RNF38: variants seen among roughly 807,000 people sequenced by gnomAD.
RNF38 encodes E3 ubiquitin-protein ligase RNF38.
Under a neutral mutation model 67.2 loss-of-function variants are expected in RNF38, and 15 were observed. That is an observed-to-expected ratio of 0.22 (90% CI 0.15 to 0.34). RNF38 has a LOEUF of 0.34. RNF38 is among the 10% of genes least tolerant of loss of function. The pLI, the probability that RNF38 is intolerant of heterozygous loss-of-function variation, is 1.00. For missense variants in RNF38, 524 were observed against 639.9 expected (o/e 0.82, Z 1.95); for synonymous variants, 220 against 218.8 (o/e 1.01, Z -0.05).
chr9:36,372,663 C>CA, intron 3 of RNF38: 1 of 584,706 alleles, frequency 1.7e-6, no homozygotes, highest in South Asian at 2.2e-5. Context: ...CTAGGAGAGC[C>CA]AGTTTTCAGG....
intron 8 of RNF38, among the ~76,000 whole-genome samples, chr9:36,352,100 G>A (rs898783386): frequency 5.9e-5 from 9 of 152,152 alleles, no homozygotes; most frequent in African/African-American, 2.2e-4. Flanking sequence ...AGGAGTTCGT[G>A]AGCAGCCTGG....
chr9:36,420,709 C>G (rs1838602381), intron 2 of RNF38, among the ~76,000 whole-genome samples: 2 of 152,160 alleles, frequency 1.3e-5, no homozygotes, highest in South Asian at 4.2e-4. Context: ...AATGCAGTAT[C>G]CCCAGTATCT....
intron 1 of RNF38, among the ~76,000 whole-genome samples, chr9:36,458,110 C>G (rs373760688): frequency 6.6e-6 from 1 of 152,192 alleles, no homozygotes; most frequent in Non-Finnish European, 1.5e-5. Flanking sequence ...TACACCAACG[C>G]TTTTGGAATG....
chr9:36,393,208 A>T (rs1837243263), intron 1 of RNF38, among the ~76,000 whole-genome samples: 1 of 152,176 alleles, frequency 6.6e-6, no homozygotes, highest in South Asian at 2.1e-4. Flanking sequence ...CTTCTCCTTC[A>T]TTCCTTGTTC....
intron 1 of RNF38, among the ~76,000 whole-genome samples, chr9:36,480,336 T>A (rs1377623595): frequency 6.6e-6 from 1 of 152,108 alleles, no homozygotes; most frequent in African/African-American, 2.4e-5. Flanking sequence ...TCTACTTCTG[T>A]TTAGTCTGAG....
chr9:36,369,716 T>C lies in RNF38; in HGVS notation c.570+3A>G. ...GTATTTCCAAGACATTCTGTTATTG[T>C]ACCTGATCATGTATGTCAACCATGA... is the stretch of plus-strand genomic sequence containing the variant. On this transcript the variant is annotated splice_donor_region_variant and intron_variant, in intron 4 of 11. Transcript: ENST00000259605. 2 of 1,601,064 alleles carry C rather than the reference T, an allele frequency of 1.2e-6. No homozygotes were observed. Among genetic ancestry groups the C allele is most frequent in the Non-Finnish European group, 1.7e-6 (2 of 1,172,596 alleles).
At chr9:36,427,672 TATCTATC>T (rs1398492466) in intron 1 of RNF38, among the ~76,000 whole-genome samples, 17 of 36,248 alleles carry the variant, frequency 4.7e-4, no homozygotes, top group Admixed American at 7.1e-4. Context: ...TCTATCTATC[TATCTATC>T]TATCTATCTA....
chr9:36,480,714 G>T (rs71531226), intron 1 of RNF38, among the ~76,000 whole-genome samples: 2 of 151,434 alleles, frequency 1.3e-5, no homozygotes. Context: ...ACCACACCCA[G>T]CTAATTTTTG....
At chr9:36,479,995 T>G (rs993610559) in intron 1 of RNF38, among the ~76,000 whole-genome samples, 3 of 152,130 alleles carry the variant, frequency 2.0e-5, no homozygotes, top group Non-Finnish European at 4.4e-5. Context: ...TTTTATTTTT[T>G]TGAGATGGAG....
intron 1 of RNF38, among the ~76,000 whole-genome samples, chr9:36,397,079 GTGTATA>G (rs1210501867): frequency 1.6e-5 from 2 of 124,886 alleles, no homozygotes; most frequent in African/African-American, 6.2e-5. Flanking sequence ...ATATGTGTGT[GTGTATA>G]TATATATATA....
intron 1 of RNF38, among the ~76,000 whole-genome samples, chr9:36,486,212 C>T (rs964821859): frequency 6.6e-6 from 1 of 152,180 alleles, no homozygotes; most frequent in African/African-American, 2.4e-5. Flanking sequence ...TCTCTCCCTT[C>T]CCTCTAGAAC....
At chr9:36,471,636 A>G (rs1277926186) in intron 1 of RNF38, among the ~76,000 whole-genome samples, 1 of 152,344 alleles carries the variant, frequency 6.6e-6, no homozygotes, top group South Asian at 2.1e-4. Flanking sequence ...TTATCTCAAA[A>G]TAACAAAACA....
chr9:36,368,874 T>A (rs935189720), intron 4 of RNF38, among the ~76,000 whole-genome samples: 1 of 152,054 alleles, frequency 6.6e-6, no homozygotes, highest in African/African-American at 2.4e-5. Context: ...AAGGACATGC[T>A]TAGACACATG....
At chr9:36,428,225 GC>G (rs1335257385) in intron 1 of RNF38, among the ~76,000 whole-genome samples, 2 of 151,892 alleles carry the variant, frequency 1.3e-5, no homozygotes, top group East Asian at 3.9e-4. Flanking sequence ...GACCATCCTG[GC>G]TAACACGGTG....
chr9:36,340,457 C>T (rs1832755920), intron 11 of RNF38, among the ~76,000 whole-genome samples: 1 of 152,156 alleles, frequency 6.6e-6, no homozygotes, highest in Non-Finnish European at 1.5e-5. Flanking sequence ...GACTACAGCT[C>T]ACTACAGACT....
intron 6 of RNF38, among the ~76,000 whole-genome samples, chr9:36,355,651 T>C (rs1012348162): frequency 2.6e-5 from 4 of 152,092 alleles, no homozygotes; most frequent in African/African-American, 9.7e-5. Flanking sequence ...AAAAAAACAA[T>C]ACAACTAAAA....
rs1020224043 is a variant in RNF38 at position 36,337,288 on chromosome 9, A to C, written c.*2464T>G. 1 of 152,508 alleles carries C rather than the reference A, an allele frequency of 6.6e-6. No homozygotes were observed. Among genetic ancestry groups the C allele is most frequent in the South Asian group, 2.1e-4 (1 of 4,836 alleles). 9.4% of individuals were successfully genotyped at this position (152,508 alleles called of 1,614,324 possible). The stretch of plus-strand genomic sequence containing the variant: ...AATAAGCAAGTCTGCACACATCTCT[A>C]TGAGCCCCATGCAAAGACAAGACAT... On this transcript the variant is annotated 3_prime_UTR_variant, in exon 12 of 12. Coordinates refer to ENST00000259605, the MANE Select transcript of RNF38 (RefSeq NM_022781.5).
rs1199150742 is a variant in RNF38 at position 36,369,801 on chromosome 9, G to A, written c.488C>T (p.Pro163Leu). Residue 163 changes from proline (P) to leucine (L), a missense_variant, in exon 4 of 12, where the codon CCT (proline) becomes CTT (leucine). Transcript: ENST00000259605. ...TAGCAGACGGGGAGATACATTCGGA[G>A]GGTGGAAGGCTCGAGGCTCCTCTAT... is the stretch of plus-strand genomic sequence containing the variant. ...QAIEEPRAFHPPNVSPRLLHP... is the reference protein window; with the variant it reads ...QAIEEPRAFHLPNVSPRLLHP... 1.2e-6 allele frequency: 2 copies of A among 1,613,926 alleles called. No homozygotes were observed. Among genetic ancestry groups the A allele is most frequent in the Admixed American group, 3.3e-5 (2 of 60,002 alleles).
At chr9:36,487,205 C>T (rs940384802) in intron 1 of RNF38, 1 of 731,428 alleles carries the variant, frequency 1.4e-6, no homozygotes, top group Non-Finnish European at 1.7e-6. Context: ...GACAACGCTC[C>T]TCCCCGTCGG....
Sources: allele counts gnomAD v4.1 joint callset (sites outside exome capture counted in the v4.1 genomes callset), GRCh38; gene constraint gnomAD v4.1.1; transcripts MANE v1.5; gene names NCBI Gene and HGNC (gene_info 2026-07-23, HGNC 2026-07-21).